The following C12orf42 variants were observed in gnomAD, a reference collection of about 807,000 sequenced individuals.
C12orf42 encodes the protein chromosome 12 open reading frame 42.
Under a neutral mutation model 21.6 loss-of-function variants are expected in C12orf42, and 25 were observed. That is an observed-to-expected ratio of 1.16 (90% confidence interval 0.84 to 1.62). The LOEUF is 1.62. C12orf42 is among the 40% of genes most tolerant of loss of function. The pLI is 0.00. For synonymous variants in C12orf42, 174 were observed against 175.0 expected, an observed-to-expected ratio of 0.99 and a Z score of 0.05; for missense variants, 483 against 459.3, an observed-to-expected ratio of 1.05 and a Z score of -0.47.
At chr12:103,351,952 C>G (rs1239473631) in intron 4 of C12orf42, among the ~76,000 whole-genome samples, 1 of 151,902 alleles carries the variant, frequency 6.6e-6, no homozygotes, top group Non-Finnish European at 1.5e-5. Flanking sequence ...CCCTCTTCCT[C>G]TCTTTCTCCC....
chr12:103,306,035 T>G lies in C12orf42; in HGVS notation c.570A>C (p.Ile190=), dbSNP rs781367117. ...TAGGTCTTGTGTGTCTACTGATGTG[T>G]ATGCCCTGAGCCTCCAGGTGAACAG... is the stretch of plus-strand genomic sequence containing the variant. ...VNPVHLEAQG[I]HISRHTRPKG... The change falls in exon 5 of 6, where the codon ATA becomes ATC. Residue 190 remains isoleucine (I), a synonymous_variant. Coordinates refer to ENST00000548883, the MANE Select transcript of C12orf42 (RefSeq NM_198521.5). 7 of 1,613,900 alleles carry G rather than the reference T, an allele frequency of 4.3e-6. 1 individual carries two copies. The South Asian group carries it at 7.7e-5, about 18-fold the overall frequency.
chr12:103,233,598 G>A (rs1255667821), downstream of C12orf42, among the ~76,000 whole-genome samples: 1 of 152,086 alleles, frequency 6.6e-6, no homozygotes, highest in African/African-American at 2.4e-5. Flanking sequence ...AAATGGTATC[G>A]TGTTTTTAAT....
chr12:103,300,847 T>C (rs1410097386), downstream of C12orf42, among the ~76,000 whole-genome samples: 2 of 152,136 alleles, frequency 1.3e-5, no homozygotes, highest in African/African-American at 2.4e-5. Context: ...GCAATCAACA[T>C]TGATAACCTG....
the C12orf42 span, among the ~76,000 whole-genome samples, chr12:103,112,408 C>T: frequency 1.9e-4 from 29 of 152,270 alleles, no homozygotes; most frequent in Non-Finnish European, 3.4e-4. Context: ...ACCTGTAATT[C>T]CAGCACTTTG....
intron 3 of C12orf42, among the ~76,000 whole-genome samples, chr12:103,390,743 A>G (rs547372722): frequency 1.8e-4 from 27 of 152,340 alleles, no homozygotes; most frequent in African/African-American, 6.5e-4. Context: ...GGCTTGAGAA[A>G]CAGCAAGCCA....
At chr12:103,179,554 G>A in the C12orf42 span, among the ~76,000 whole-genome samples, 2 of 152,156 alleles carry the variant, frequency 1.3e-5, no homozygotes, top group African/African-American at 4.8e-5. Context: ...AGAAAAAGAG[G>A]GGATGAGATG....
At chr12:103,311,980 G>A (rs7309689) in intron 4 of C12orf42, among the ~76,000 whole-genome samples, 7,231 of 152,166 alleles carry the variant, frequency 0.048, 396 homozygotes, top group African/African-American at 0.14. Context: ...CTATAAAATC[G>A]ACAAAGTCTT....
the C12orf42 span, among the ~76,000 whole-genome samples, chr12:103,098,507 T>C: frequency 6.6e-6 from 1 of 152,224 alleles, no homozygotes; most frequent in Non-Finnish European, 1.5e-5. Flanking sequence ...TTTTAATAAC[T>C]GCAAAAACAA....
At chr12:103,523,400 T>C in the C12orf42 span, among the ~76,000 whole-genome samples, 6 of 152,004 alleles carry the variant, frequency 3.9e-5, no homozygotes, top group Non-Finnish European at 5.9e-5. Context: ...CTATCAATAA[T>C]AGTATCCTCG....
At chr12:103,424,902 AC>A (rs1176631543) in intron 2 of C12orf42, among the ~76,000 whole-genome samples, 10 of 152,112 alleles carry the variant, frequency 6.6e-5, no homozygotes, top group Admixed American at 6.5e-4. Context: ...AGCAGATCCC[AC>A]CCCCATGGAA....
Position 103,477,955 on chromosome 12 carries a change from G to A in C12orf42, c.78+394C>T, listed in dbSNP as rs531945945. 3.4e-4 allele frequency: 61 copies of A among 180,640 alleles called. 1 individual carries two copies. The South Asian group carries it at 6.8e-3, about 20-fold the overall frequency. The allele number at this position is 180,640 out of a possible 1,614,324, so 11.2% of individuals were successfully genotyped here. On this transcript the variant is annotated intron_variant, in intron 2 of 5. Coordinates refer to ENST00000548883, the MANE Select transcript of C12orf42 (RefSeq NM_198521.5). ...AGCATTTGTAGTTTTTTATATGTCA[G>A]TGAAAAGTTTGTCTTCAGTTAAAAG... is the stretch of plus-strand genomic sequence containing the variant.
At chr12:103,164,800 G>A in the C12orf42 span, 949 of 436,492 alleles carry the variant, frequency 2.2e-3, 5 homozygotes, top group African/African-American at 0.018. Context: ...TTCAATTACC[G>A]GTTCAGTAGG....
chr12:103,238,700 A>G (rs529236126), intron 10 of C12orf42, among the ~76,000 whole-genome samples: 1 of 152,262 alleles, frequency 6.6e-6, no homozygotes, highest in East Asian at 1.9e-4. Flanking sequence ...ATCTAGGAAA[A>G]CAGAGGGGAA....
At chr12:103,507,206 A>ATATATAATATATAAATATTTATAT in the C12orf42 span, among the ~76,000 whole-genome samples, 3 of 33,366 alleles carry the variant, frequency 9.0e-5, no homozygotes, top group Non-Finnish European at 1.2e-4. Context: ...TATTTATATT[A>ATATATAATATATAAATATTTATAT]TATATATAAT....
chr12:103,284,357 G>A (rs2036311832), intron 4 of C12orf42, among the ~76,000 whole-genome samples: 1 of 152,132 alleles, frequency 6.6e-6, no homozygotes, highest in Non-Finnish European at 1.5e-5. Flanking sequence ...AACTGGAAAA[G>A]AAACACAGAG....
chr12:103,436,430 T>A (rs1057261962), intron 2 of C12orf42, among the ~76,000 whole-genome samples: 2 of 151,922 alleles, frequency 1.3e-5, no homozygotes, highest in African/African-American at 4.8e-5. Context: ...ATGGACTAAA[T>A]GCTCCAATTA....
chr12:103,556,576 G>T, the C12orf42 span, among the ~76,000 whole-genome samples: 2 of 152,130 alleles, frequency 1.3e-5, no homozygotes, highest in African/African-American at 4.8e-5. Flanking sequence ...AATTAACCTG[G>T]TTATGGAGAG....
At chr12:103,426,534 C>G (rs559155400) in intron 2 of C12orf42, among the ~76,000 whole-genome samples, 10 of 152,350 alleles carry the variant, frequency 6.6e-5, no homozygotes, top group African/African-American at 2.4e-4. Flanking sequence ...TTGGAAGACA[C>G]TCTTCAGGAT....
At chr12:103,146,676 A>G in the C12orf42 span, among the ~76,000 whole-genome samples, 8 of 152,202 alleles carry the variant, frequency 5.3e-5, no homozygotes, top group African/African-American at 1.2e-4. Flanking sequence ...CACAGATAAT[A>G]TATCAGAAAA....
Sources: allele counts gnomAD v4.1 joint callset (sites outside exome capture counted in the v4.1 genomes callset), GRCh38; gene constraint gnomAD v4.1.1; transcripts MANE v1.5; gene names NCBI Gene and HGNC (gene_info 2026-07-23, HGNC 2026-07-21).